Variants in ODAD2 observed in about 807,000 individuals in gnomAD.
The protein encoded by ODAD2 is outer dynein arm docking complex subunit 2.
In ODAD2, 89 loss-of-function variants were observed where a neutral mutation model predicts 106.8. The observed-to-expected ratio is 0.83, with a 90% confidence interval of 0.70 to 0.99. The LOEUF (loss-of-function observed/expected upper bound fraction) is 0.99, where lower values mean the gene tolerates loss of function less well. ODAD2 is among the 50% of genes least tolerant of loss of function. The pLI, the probability that ODAD2 is intolerant of heterozygous loss-of-function variation, is 0.00. For synonymous variants in ODAD2, 404 were observed against 436.2 expected (o/e 0.93, Z 0.92); for missense variants, 1,168 against 1,238.5 (o/e 0.94, Z 0.85).
chr10:27,849,245 C>A lies in ODAD2; in HGVS notation c.3021+11380G>T, dbSNP rs1839054146. Among the ~76,000 whole-genome samples the A allele has an allele frequency of 2.0e-5, 3 of 152,084 alleles. No homozygotes were observed. In the East Asian group the frequency reaches 5.8e-4, roughly 29 times the overall value. On this transcript the variant is annotated intron_variant, in intron 19 of 19. Transcript: ENST00000305242. ...CCACGAAAAAGGATGAGTTCATGTCCTTTGTAGGGACATGGATGAAGCTGG... is the reference window on the plus strand; with the variant it reads ...CCACGAAAAAGGATGAGTTCATGTCATTTGTAGGGACATGGATGAAGCTGG...
chr10:27,940,608 G>A lies in ODAD2; in HGVS notation c.1941C>T (p.Asn647=), dbSNP rs542617133. The change falls in exon 13 of 20, where the codon AAC becomes AAT. Residue 647 remains asparagine, a synonymous_variant. Transcript: ENST00000305242. ...LARLLKTSHE[N]MLIPVVGTLQ... is the part of the protein sequence containing the mutation. Reference sequence around the variant, plus strand: ...ATGTCCCCACCACTGGAATTAGCATGTTTTCATGAGAAGTCTTCAGCAGCC... The same window carrying A: ...ATGTCCCCACCACTGGAATTAGCATATTTTCATGAGAAGTCTTCAGCAGCC... 3.7e-6 allele frequency: 6 copies of A among 1,614,108 alleles called. No homozygotes were observed. In the South Asian group the frequency reaches 5.5e-5, roughly 15 times the overall value.
At chr10:27,966,776 T>G (rs1436480685) in intron 9 of ODAD2, among the ~76,000 whole-genome samples, 1 of 152,154 alleles carries the variant, frequency 6.6e-6, no homozygotes, top group Non-Finnish European at 1.5e-5. Flanking sequence ...CACTAAAAAT[T>G]GAAATACTTT....
At chr10:27,884,811 A>C (rs555868314) in intron 17 of ODAD2, among the ~76,000 whole-genome samples, 4 of 152,300 alleles carry the variant, frequency 2.6e-5, no homozygotes, top group South Asian at 4.1e-4. Context: ...ACAGCCATGT[A>C]TATGGGGGAA....
rs192483184 is a variant in ODAD2, at chr10:27,838,989, G to A, written c.3021+21636C>T. Among the ~76,000 whole-genome samples, 18 of 152,262 alleles carry A rather than the reference G, an allele frequency of 1.2e-4. No individual in the cohort carries two copies. In the East Asian group the frequency reaches 3.5e-3, roughly 29 times the overall value. ...CAGCATCATCTTATGCCAATCTAAC[G>A]CTTTTGATATCCAAACCTATTTAAA... On this transcript the variant is annotated intron_variant, in intron 19 of 19. Transcript: ENST00000305242.
chr10:27,820,624 A>G (rs1836526281), intron 19 of ODAD2, among the ~76,000 whole-genome samples: 3 of 151,966 alleles, frequency 2.0e-5, no homozygotes. Flanking sequence ...TACCTGAGTA[A>G]CTTCTAGTCC....
At chr10:27,832,921 AT>A (rs1175732828) in intron 19 of ODAD2, among the ~76,000 whole-genome samples, 3 of 152,156 alleles carry the variant, frequency 2.0e-5, no homozygotes, top group Non-Finnish European at 4.4e-5. Flanking sequence ...AATAGGAATA[AT>A]TTTTTTCAAA....
At chr10:27,891,275 T>C (rs1842544288) in intron 17 of ODAD2, among the ~76,000 whole-genome samples, 1 of 152,172 alleles carries the variant, frequency 6.6e-6, no homozygotes, top group Admixed American at 6.6e-5. Context: ...TCACAGAAAT[T>C]AACTTCTCTT....
chr10:27,932,810 C>A (rs1319821093), intron 16 of ODAD2, among the ~76,000 whole-genome samples: 2 of 152,194 alleles, frequency 1.3e-5, no homozygotes, highest in Non-Finnish European at 2.9e-5. Context: ...CAATGGAAAT[C>A]ATTTTATTTG....
intron 16 of ODAD2, among the ~76,000 whole-genome samples, chr10:27,926,224 A>C (rs1564511953): frequency 6.6e-6 from 1 of 152,184 alleles, no homozygotes; most frequent in African/African-American, 2.4e-5. Context: ...TATTTATAAA[A>C]GTAAGATTTG....
At chr10:27,826,386 G>A (rs963350356) in intron 19 of ODAD2, among the ~76,000 whole-genome samples, 2 of 152,028 alleles carry the variant, frequency 1.3e-5, no homozygotes, top group East Asian at 1.9e-4. Flanking sequence ...CGTGTTGCCC[G>A]GTCATCCACC....
At chr10:27,896,973 C>T (rs1464343463) in intron 17 of ODAD2, among the ~76,000 whole-genome samples, 2 of 152,084 alleles carry the variant, frequency 1.3e-5, no homozygotes, top group African/African-American at 2.4e-5. Flanking sequence ...CTTAAACTCT[C>T]GCCTCTCAGT....
chr10:27,835,998 C>A, intron 19 of ODAD2: 1 of 152,382 alleles, frequency 6.6e-6, no homozygotes, highest in South Asian at 1.9e-4. Flanking sequence ...GGAAGTGGAT[C>A]ATCATAAAGG....
chr10:27,904,253 TG>T, intron 17 of ODAD2: 1 of 412,252 alleles, frequency 2.4e-6, no homozygotes, highest in South Asian at 2.0e-5. Flanking sequence ...GTAAGAAGTG[TG>T]GCAAGCACCA....
intron 16 of ODAD2, among the ~76,000 whole-genome samples, chr10:27,932,880 C>T (rs1226635040): frequency 6.6e-6 from 1 of 152,174 alleles, no homozygotes; most frequent in Non-Finnish European, 1.5e-5. Flanking sequence ...ATCCCCACGA[C>T]AGCAGGAGCT....
At chr10:27,931,346 T>C (rs1190209978) in intron 16 of ODAD2, among the ~76,000 whole-genome samples, 1 of 152,160 alleles carries the variant, frequency 6.6e-6, no homozygotes, top group East Asian at 1.9e-4. Context: ...ACTTTTGCTC[T>C]CTTTTTGTAG....
At chr10:27,929,713 G>A (rs541836427) in intron 16 of ODAD2, among the ~76,000 whole-genome samples, 11 of 152,128 alleles carry the variant, frequency 7.2e-5, no homozygotes, top group African/African-American at 2.7e-4. Flanking sequence ...AAATTCTCAG[G>A]CAATATTTTT....
chr10:27,947,956 T>C (rs1847056510), intron 10 of ODAD2, among the ~76,000 whole-genome samples: 1 of 152,248 alleles, frequency 6.6e-6, no homozygotes, highest in Non-Finnish European at 1.5e-5. Context: ...CTTTGTTTCC[T>C]ATTTCAAGTT....
intron 19 of ODAD2, among the ~76,000 whole-genome samples, chr10:27,855,924 T>A (rs1417567680): frequency 6.6e-6 from 1 of 152,164 alleles, no homozygotes; most frequent in Non-Finnish European, 1.5e-5. Flanking sequence ...CAAAAACAAA[T>A]CCAATGACAC....
chr10:27,914,649 T>C (rs1844236551), intron 16 of ODAD2, among the ~76,000 whole-genome samples: 1 of 152,076 alleles, frequency 6.6e-6, no homozygotes, highest in Admixed American at 6.6e-5. Flanking sequence ...AGGAGAAATA[T>C]AGCATTTCCA....
Sources: allele counts gnomAD v4.1 joint callset (sites outside exome capture counted in the v4.1 genomes callset), GRCh38; gene constraint gnomAD v4.1.1; transcripts MANE v1.5; gene names NCBI Gene and HGNC (gene_info 2026-07-23, HGNC 2026-07-21).